Variants in NTN1 observed in about 807,000 individuals in gnomAD.
NTN1 encodes the protein netrin 1.
Under a neutral mutation model 54.2 loss-of-function variants are expected in NTN1, and 11 were observed. The observed-to-expected ratio is 0.20, with a 90% CI of 0.13 to 0.34. The LOEUF is 0.34. Ranked by LOEUF, NTN1 falls within the 10% of genes least tolerant of loss-of-function variation. The probability of loss-of-function intolerance (pLI) is 1.00; values close to 1 mark genes in which losing one functional copy is unlikely to be tolerated. For synonymous variants in NTN1, 371 were observed against 382.0 expected, an observed-to-expected ratio of 0.97 and a Z score of 0.33; for missense variants, 740 against 893.1, an observed-to-expected ratio of 0.83 and a Z score of 2.18.
intron 2 of NTN1, among the ~76,000 whole-genome samples, chr17:9,118,087 C>T (rs2092220184): frequency 1.3e-5 from 2 of 152,358 alleles, no homozygotes; most frequent in South Asian, 4.1e-4. Context: ...TACTGACTCC[C>T]TCTGTGCCTC....
At chr17:9,127,079 G>GGT (rs1555570085) in intron 2 of NTN1, among the ~76,000 whole-genome samples, 4 of 140,766 alleles carry the variant, frequency 2.8e-5, no homozygotes, top group African/African-American at 1.0e-4. Context: ...GCCGGGGGGG[G>GGT]GCAGGACAGG....
rs1034698892 is a variant in NTN1, at chr17:9,239,103, G to C, written c.1487-537G>C. On this transcript the variant is annotated intron_variant, in intron 6 of 6. Transcript: ENST00000173229. The surrounding 1 kb of genome is among the most constrained non-coding windows in gnomAD (Gnocchi z 5.2). ...CAAGGTTCCCGGGGCTCTGGAAAAG[G>C]CACTACGGCCACCCCAAAGGGTGGG... Among the ~76,000 whole-genome samples the C allele has an allele frequency of 6.6e-6, 1 of 152,206 alleles. No homozygotes were observed. Among genetic ancestry groups the C allele is most frequent in the East Asian group, 1.9e-4 (1 of 5,202 alleles).
chr17:9,221,737 A>C lies in NTN1; in HGVS notation c.1486+495A>C, dbSNP rs982778472. Among the ~76,000 whole-genome samples the C allele has an allele frequency of 6.6e-6, 1 of 152,084 alleles. No individual in the cohort carries two copies. On this transcript the variant is annotated intron_variant, in intron 6 of 6. Coordinates refer to ENST00000173229, the MANE Select transcript of NTN1 (RefSeq NM_004822.3). The surrounding 1 kb of genome is among the most constrained non-coding windows in gnomAD (Gnocchi z 4.5). ...AACGGCTCACCACTCATTCCCATGC[A>C]CCGGAAGTTCCGCTGCCCAGACCCA...
intron 2 of NTN1, among the ~76,000 whole-genome samples, chr17:9,107,277 A>T (rs1434696904): frequency 1.3e-5 from 2 of 152,254 alleles, no homozygotes; most frequent in African/African-American, 4.8e-5. Flanking sequence ...TAATTTCCAT[A>T]TGCATTTTGT....
intron 5 of NTN1, among the ~76,000 whole-genome samples, chr17:9,208,955 G>C (rs776683689): frequency 6.6e-6 from 1 of 152,224 alleles, no homozygotes; most frequent in African/African-American, 2.4e-5. Flanking sequence ...GGCCTCAAGA[G>C]GCCCCAGGAT....
intron 2 of NTN1, among the ~76,000 whole-genome samples, chr17:9,059,828 CA>C (rs34556932): frequency 0.01 from 1,438 of 140,826 alleles, 10 homozygotes; most frequent in Middle Eastern, 0.033. Context: ...ACCTCAATTA[CA>C]AAAAAAAAAA....
the NTN1 span, among the ~76,000 whole-genome samples, chr17:9,007,596 A>ACCTT: frequency 1.7e-5 from 1 of 59,942 alleles, no homozygotes; most frequent in South Asian, 5.0e-4. Context: ...CTCCCTTCCT[A>ACCTT]CCTTCCTTCC....
chr17:9,184,183 A>C (rs1199452034), intron 5 of NTN1, among the ~76,000 whole-genome samples: 2 of 152,252 alleles, frequency 1.3e-5, no homozygotes, highest in Non-Finnish European at 2.9e-5. Flanking sequence ...GGCATGGTCC[A>C]CAGCCAGCAA....
intron 2 of NTN1, among the ~76,000 whole-genome samples, chr17:9,112,751 G>C (rs1424858316): frequency 2.0e-5 from 3 of 148,016 alleles, no homozygotes; most frequent in African/African-American, 5.0e-5. Context: ...TGTGAACGCT[G>C]CGGGGTGGAG....
At chr17:9,084,780 G>C (rs1279812590) in intron 2 of NTN1, among the ~76,000 whole-genome samples, 1 of 151,274 alleles carries the variant, frequency 6.6e-6, no homozygotes, top group Non-Finnish European at 1.5e-5. Context: ...CCCTCCCAAG[G>C]AGCTGGGACT....
At chr17:9,024,415 T>C (rs979033380) in intron 2 of NTN1, among the ~76,000 whole-genome samples, 1 of 152,246 alleles carries the variant, frequency 6.6e-6, no homozygotes. Context: ...AGTCTGTAAA[T>C]GTCCCATTTG....
At chr17:9,116,585 G>A (rs1487774420) in intron 2 of NTN1, among the ~76,000 whole-genome samples, 2 of 152,158 alleles carry the variant, frequency 1.3e-5, no homozygotes. Context: ...TAGATAGTGG[G>A]GCTGCGGAAG....
intron 2 of NTN1, among the ~76,000 whole-genome samples, chr17:9,117,451 T>C (rs2092217342): frequency 6.6e-6 from 1 of 152,072 alleles, no homozygotes; most frequent in African/African-American, 2.4e-5. Context: ...AAGTAAAGCA[T>C]TACCTCAAGA....
intron 2 of NTN1, among the ~76,000 whole-genome samples, chr17:9,104,549 C>T (rs2092159928): frequency 6.6e-6 from 1 of 152,144 alleles, no homozygotes; most frequent in Non-Finnish European, 1.5e-5. Context: ...GTCTGGAAAA[C>T]TGGGAAAGGA....
intron 2 of NTN1, among the ~76,000 whole-genome samples, chr17:9,115,060 C>G (rs1218289114): frequency 6.7e-6 from 1 of 150,154 alleles, no homozygotes; most frequent in African/African-American, 2.4e-5. Context: ...GCTGGGGCGC[C>G]AGGCCGGGGG....
At chr17:9,078,988 G>A (rs1275029684) in intron 2 of NTN1, among the ~76,000 whole-genome samples, 2 of 152,238 alleles carry the variant, frequency 1.3e-5, no homozygotes, top group African/African-American at 2.4e-5. Flanking sequence ...AACATCCAGG[G>A]ATGCCCCCAT....
chr17:9,064,333 C>T (rs1164558515), intron 2 of NTN1, among the ~76,000 whole-genome samples: 1 of 152,212 alleles, frequency 6.6e-6, no homozygotes, highest in Non-Finnish European at 1.5e-5. Flanking sequence ...CTGTAAATGA[C>T]CGCTGCCATT....
intron 2 of NTN1, among the ~76,000 whole-genome samples, chr17:9,151,325 T>C (rs927485710): frequency 2.6e-5 from 4 of 152,148 alleles, no homozygotes; most frequent in Non-Finnish European, 5.9e-5. Flanking sequence ...GTGTTCAGAC[T>C]TGGCTAAAGC....
At chr17:9,216,852 C>T (rs1406448482) in intron 5 of NTN1, among the ~76,000 whole-genome samples, 1 of 152,142 alleles carries the variant, frequency 6.6e-6, no homozygotes, top group Non-Finnish European at 1.5e-5. Context: ...ACCAGCCTGG[C>T]CAACTTGGTG....
Sources: allele counts gnomAD v4.1 joint callset (sites outside exome capture counted in the v4.1 genomes callset), GRCh38; gene constraint gnomAD v4.1.1; non-coding constraint Gnocchi (gnomAD v3.1); transcripts MANE v1.5; gene names NCBI Gene and HGNC (gene_info 2026-07-23, HGNC 2026-07-21).